The following PDE1C variants were observed in gnomAD, a reference collection of about 807,000 sequenced individuals.
PDE1C encodes the protein phosphodiesterase 1C, also known as dual specificity calcium/calmodulin-dependent 3',5'-cyclic nucleotide phosphodiesterase 1C.
Under a neutral mutation model 93.1 loss-of-function variants are expected in PDE1C, and 62 were observed. The observed-to-expected ratio is 0.67, with a 90% confidence interval of 0.54 to 0.82. The LOEUF (loss-of-function observed/expected upper bound fraction) is 0.82, where lower values mean the gene tolerates loss of function less well. Among genes scored for constraint, PDE1C ranks in the 40% least tolerant of loss-of-function variants. The pLI is 0.00. For missense variants in PDE1C, 742 were observed against 884.6 expected (o/e 0.84, Z 2.04); for synonymous variants, 325 against 310.1 (o/e 1.05, Z -0.50).
intron 1 of PDE1C, among the ~76,000 whole-genome samples, chr7:32,356,618 A>G (rs1277118213): frequency 6.6e-6 from 1 of 152,220 alleles, no homozygotes; most frequent in African/African-American, 2.4e-5. Flanking sequence ...AGTACCATGG[A>G]CAGTCTGTCA....
chr7:31,760,758 G>GTA (rs1205672059), intron 17 of PDE1C, among the ~76,000 whole-genome samples: 2 of 60,996 alleles, frequency 3.3e-5, no homozygotes, highest in Non-Finnish European at 6.7e-5. Flanking sequence ...TCTGCAATGT[G>GTA]TACACACACA....
At chr7:32,300,383 T>G, upstream of PDE1C, among the ~76,000 whole-genome samples, 1 of 152,200 alleles carries the variant, frequency 6.6e-6, no homozygotes, top group East Asian at 1.9e-4. Flanking sequence ...GTCATGAACC[T>G]CATGCCACAT....
At chr7:31,898,436 C>T (rs1799580739) in intron 2 of PDE1C, among the ~76,000 whole-genome samples, 1 of 152,054 alleles carries the variant, frequency 6.6e-6, no homozygotes, top group Non-Finnish European at 1.5e-5. Context: ...AACACTTTCC[C>T]TTGTTATTAA....
intron 16 of PDE1C, among the ~76,000 whole-genome samples, chr7:31,776,999 G>T (rs1408709602): frequency 9.0e-6 from 1 of 110,928 alleles, no homozygotes; most frequent in Non-Finnish European, 1.7e-5. Context: ...TGTGGGGTGG[G>T]GGGAGGGGGG....
chr7:31,674,350 T>C, the PDE1C span, among the ~76,000 whole-genome samples: 1 of 152,298 alleles, frequency 6.6e-6, no homozygotes, highest in East Asian at 1.9e-4. Flanking sequence ...TGATAAAACC[T>C]GAGTAGTAGG....
chr7:31,839,220 A>G (rs2128770129), intron 9 of PDE1C, among the ~76,000 whole-genome samples: 1 of 144,684 alleles, frequency 6.9e-6, no homozygotes, highest in Admixed American at 7.0e-5. Context: ...ATGTGTGTAT[A>G]CATACGTATA....
intron 3 of PDE1C, among the ~76,000 whole-genome samples, chr7:32,109,313 T>C (rs1237728577): frequency 6.6e-6 from 1 of 152,028 alleles, no homozygotes; most frequent in Non-Finnish European, 1.5e-5. Flanking sequence ...CACAGAGAGA[T>C]GGATTTATAT....
intron 2 of PDE1C, among the ~76,000 whole-genome samples, chr7:31,966,167 C>T (rs1252051773): frequency 9.2e-5 from 14 of 152,186 alleles, no homozygotes; most frequent in East Asian, 1.9e-4. Context: ...GACTGGCAAA[C>T]TGGATAAAGA....
the PDE1C span, among the ~76,000 whole-genome samples, chr7:31,742,547 T>C: frequency 6.6e-6 from 1 of 152,164 alleles, no homozygotes; most frequent in Non-Finnish European, 1.5e-5. Context: ...TCTAAAATTA[T>C]TTTCTAAAGC....
chr7:32,356,249 T>C (rs917528027), intron 1 of PDE1C, among the ~76,000 whole-genome samples: 9 of 152,212 alleles, frequency 5.9e-5, no homozygotes, highest in Non-Finnish European at 2.9e-5. Flanking sequence ...TGCTTTCATC[T>C]AGGAAACTGG....
chr7:31,643,589 G>A, the PDE1C span: 1 of 1,614,034 alleles, frequency 6.2e-7, no homozygotes, highest in Admixed American at 1.7e-5. Flanking sequence ...TGCACTGTGT[G>A]TGATCCTGTT....
At chr7:31,969,001 A>C (rs1563119488) in intron 2 of PDE1C, among the ~76,000 whole-genome samples, 1 of 152,218 alleles carries the variant, frequency 6.6e-6, no homozygotes, top group Admixed American at 6.5e-5. Context: ...TGAAGACTTA[A>C]ATGATAGACC....
intron 2 of PDE1C, among the ~76,000 whole-genome samples, chr7:31,881,855 C>A (rs945928443): frequency 6.6e-6 from 1 of 152,148 alleles, no homozygotes; most frequent in Non-Finnish European, 1.5e-5. Context: ...AAAAGGCAAT[C>A]GTTATAGCTA....
chr7:31,619,653 C>G, the PDE1C span, among the ~76,000 whole-genome samples: 2 of 152,090 alleles, frequency 1.3e-5, no homozygotes, highest in Non-Finnish European at 1.5e-5. Context: ...GGAACAGCTC[C>G]AGTCTACAGC....
intron 2 of PDE1C, among the ~76,000 whole-genome samples, chr7:32,170,339 A>G (rs189954351): frequency 1.3e-5 from 2 of 152,238 alleles, no homozygotes; most frequent in Admixed American, 1.3e-4. Flanking sequence ...CAGCTTGCTG[A>G]AGCCCAAGAC....
intron 1 of PDE1C, among the ~76,000 whole-genome samples, chr7:32,419,446 T>C (rs911489231): frequency 4.6e-5 from 7 of 152,176 alleles, no homozygotes; most frequent in Admixed American, 1.3e-4. Context: ...GAGGTTAACT[T>C]CAGCTCCCTC....
intron 9 of PDE1C, among the ~76,000 whole-genome samples, chr7:31,839,997 A>G (rs1791640926): frequency 6.6e-6 from 1 of 152,236 alleles, no homozygotes; most frequent in Admixed American, 6.5e-5. Flanking sequence ...ATATCATGCC[A>G]CTGCACTCTA....
chr7:31,867,216 G>A (rs1437317719), intron 6 of PDE1C, among the ~76,000 whole-genome samples: 2 of 151,970 alleles, frequency 1.3e-5, no homozygotes, highest in Admixed American at 6.6e-5. Flanking sequence ...GCACCCTAAG[G>A]ACAAAACCCC....
At chr7:32,312,560 A>G (rs1181861463) in intron 1 of PDE1C, among the ~76,000 whole-genome samples, 1 of 151,820 alleles carries the variant, frequency 6.6e-6, no homozygotes, top group Non-Finnish European at 1.5e-5. Flanking sequence ...AAACAGAGAT[A>G]TAGATCAATG....
Sources: allele counts gnomAD v4.1 joint callset (sites outside exome capture counted in the v4.1 genomes callset), GRCh38; gene constraint gnomAD v4.1.1; transcripts MANE v1.5; gene names NCBI Gene and HGNC (gene_info 2026-07-23, HGNC 2026-07-21).